Variants in SLC25A37 observed in about 807,000 individuals in gnomAD.
SLC25A37 encodes mitoferrin-1.
A neutral mutation model predicts 31.0 loss-of-function variants in SLC25A37; 17 were observed. That is an observed-to-expected ratio of 0.55 (90% CI 0.38 to 0.82). The LOEUF is 0.82. SLC25A37 is among the 40% of genes least tolerant of loss of function. The pLI, the probability that SLC25A37 is intolerant of heterozygous loss-of-function variation, is 0.00. For synonymous variants in SLC25A37, 222 were observed against 193.0 expected (o/e 1.15, Z -1.24); for missense variants, 404 against 465.8 (o/e 0.87, Z 1.22).
At chr8:23,542,377 C>A (rs201643157) in intron 1 of SLC25A37, among the ~76,000 whole-genome samples, 10 of 118,110 alleles carry the variant, frequency 8.5e-5, no homozygotes, top group African/African-American at 3.5e-4. Context: ...TGTACTCCTA[C>A]TTTTTTTTTT....
At chr8:23,541,279 T>G (rs551108844) in intron 1 of SLC25A37, among the ~76,000 whole-genome samples, 1 of 152,270 alleles carries the variant, frequency 6.6e-6, no homozygotes, top group South Asian at 2.1e-4. Flanking sequence ...TCTGTGGGAT[T>G]TTATATCCTT....
intron 1 of SLC25A37, among the ~76,000 whole-genome samples, chr8:23,542,377 C>CTT (rs59713954): frequency 1.0e-4 from 12 of 118,142 alleles, no homozygotes; most frequent in African/African-American, 3.2e-4. Context: ...TGTACTCCTA[C>CTT]TTTTTTTTTT....
chr8:23,560,503 C>G (rs761609062), intron 1 of SLC25A37, among the ~76,000 whole-genome samples: 3 of 152,272 alleles, frequency 2.0e-5, no homozygotes, highest in Non-Finnish European at 4.4e-5. Flanking sequence ...GTTTTTTCTC[C>G]TCTGTATCCT....
chr8:23,567,969 C>T (rs1474910901), intron 2 of SLC25A37: 9 of 352,020 alleles, frequency 2.6e-5, no homozygotes, highest in African/African-American at 4.3e-5. Flanking sequence ...TAGACAAAGG[C>T]GAGGGACAAG....
At chr8:23,534,809 G>C (rs924919884) in intron 1 of SLC25A37, among the ~76,000 whole-genome samples, 1 of 152,174 alleles carries the variant, frequency 6.6e-6, no homozygotes, top group South Asian at 2.1e-4. Context: ...CCTGGTACAC[G>C]CACAGAACAG....
At chr8:23,564,382 A>G (rs1802594512) in intron 1 of SLC25A37, among the ~76,000 whole-genome samples, 1 of 148,306 alleles carries the variant, frequency 6.7e-6, no homozygotes, top group Admixed American at 6.7e-5. Context: ...ATGTAGGATT[A>G]GATTTTTTTT....
chr8:23,563,379 G>A (rs2117447625), intron 1 of SLC25A37, among the ~76,000 whole-genome samples: 1 of 152,200 alleles, frequency 6.6e-6, no homozygotes, highest in African/African-American at 2.4e-5. Context: ...TTGAAATGAG[G>A]TCTCAGTATA....
At chr8:23,570,404 G>C (rs1338088576) in intron 3 of SLC25A37, among the ~76,000 whole-genome samples, 1 of 149,076 alleles carries the variant, frequency 6.7e-6, no homozygotes, top group Non-Finnish European at 1.5e-5. Flanking sequence ...TTAGGTAAGC[G>C]GTGGTGGGGG....
intron 1 of SLC25A37, among the ~76,000 whole-genome samples, chr8:23,542,661 G>A (rs567394207): frequency 3.0e-4 from 45 of 147,614 alleles, no homozygotes; most frequent in South Asian, 8.6e-4. Context: ...TTACAGGTGT[G>A]AGCCACCGCC....
intron 1 of SLC25A37, among the ~76,000 whole-genome samples, chr8:23,544,680 A>C (rs892697619): frequency 6.6e-6 from 1 of 152,188 alleles, no homozygotes; most frequent in African/African-American, 2.4e-5. Context: ...TGTTACAACT[A>C]AACTGTATGA....
chr8:23,569,402 T>TACACACAC (rs10608830), intron 3 of SLC25A37, among the ~76,000 whole-genome samples: 2,636 of 150,182 alleles, frequency 0.018, 43 homozygotes, highest in Admixed American at 0.041. Context: ...TATGTGTGCA[T>TACACACAC]ACACACACAC....
intron 1 of SLC25A37, among the ~76,000 whole-genome samples, chr8:23,555,101 C>T (rs557994113): frequency 2.0e-5 from 3 of 152,288 alleles, no homozygotes; most frequent in Admixed American, 6.5e-5. Context: ...CTTCTCTACC[C>T]TCACCTGACT....
chr8:23,563,800 T>C (rs1465522118), intron 1 of SLC25A37, among the ~76,000 whole-genome samples: 1 of 152,042 alleles, frequency 6.6e-6, no homozygotes, highest in Non-Finnish European at 1.5e-5. Flanking sequence ...GCCAACATAG[T>C]GAAACCCAAT....
chr8:23,571,389 G>A lies in SLC25A37; in HGVS notation c.551G>A (p.Cys184Tyr). 1 of 1,612,518 alleles carries A rather than the reference G, an allele frequency of 6.2e-7. No homozygotes were observed. Among genetic ancestry groups the A allele is most frequent in the Non-Finnish European group, 8.5e-7 (1 of 1,179,126 alleles). ...YNSQHRSAIS[C>Y]IRTVWRTEGL... The stretch of plus-strand genomic sequence containing the variant: ...TCGCAGCACCGGTCAGCAATCAGCT[G>A]CATCCGGACGGTGTGGAGGACCGAG... The change falls in exon 4 of 4, where the codon TGC (cysteine) becomes TAC (tyrosine). Residue 184 changes from cysteine to tyrosine, a missense_variant. Cys to Tyr is a radical substitution (Grantham distance 194). Around this residue, in one of 3 missense-constraint regions of SLC25A37, gnomAD observed 243 missense variants for 284.4 expected, o/e 0.85. Transcript: ENST00000519973.
At chr8:23,543,295 C>T (rs899613378) in intron 1 of SLC25A37, 2 of 152,124 alleles carry the variant, frequency 1.3e-5, no homozygotes, top group Non-Finnish European at 2.9e-5. Flanking sequence ...AAGCTCTTGG[C>T]CTCAAGCAGT....
intron 1 of SLC25A37, among the ~76,000 whole-genome samples, chr8:23,564,134 GTTA>G (rs1802587799): frequency 6.6e-6 from 1 of 152,084 alleles, no homozygotes; most frequent in Admixed American, 6.5e-5. Flanking sequence ...TGCTTATATT[GTTA>G]TTGTTTTTGC....
chr8:23,543,443 A>C (rs1801952429), intron 1 of SLC25A37, among the ~76,000 whole-genome samples: 1 of 152,176 alleles, frequency 6.6e-6, no homozygotes, highest in Non-Finnish European at 1.5e-5. Flanking sequence ...AGTGTTTTTA[A>C]AGTCTACGGT....
chr8:23,570,404 G>A (rs1338088576), intron 3 of SLC25A37, among the ~76,000 whole-genome samples: 2 of 149,076 alleles, frequency 1.3e-5, no homozygotes, highest in Admixed American at 6.7e-5. Context: ...TTAGGTAAGC[G>A]GTGGTGGGGG....
chr8:23,557,942 C>T lies in SLC25A37; in HGVS notation c.211-8166C>T, dbSNP rs150869976. 1.9e-3 allele frequency among the ~76,000 whole-genome samples: 285 copies of T among 152,304 alleles called. 2 individuals are homozygous for T. Among genetic ancestry groups the T allele is most frequent in the African/African-American group, 6.4e-3 (266 of 41,562 alleles). On this transcript the variant is annotated intron_variant, in intron 1 of 3. Coordinates refer to ENST00000519973, the MANE Select transcript of SLC25A37 (RefSeq NM_016612.4). Reference sequence around the variant, plus strand: ...TCTGGGAGAAAGTCTGGAACAGAGACGGTGCGGAGCAGCCTCTAGGGCTCA... The same window carrying T: ...TCTGGGAGAAAGTCTGGAACAGAGATGGTGCGGAGCAGCCTCTAGGGCTCA...
Sources: allele counts gnomAD v4.1 joint callset (sites outside exome capture counted in the v4.1 genomes callset), GRCh38; gene constraint gnomAD v4.1.1; regional missense constraint gnomAD v4.1.1; transcripts MANE v1.5; gene names NCBI Gene and HGNC (gene_info 2026-07-23, HGNC 2026-07-21).